Variants in PIKFYVE observed in about 807,000 individuals in gnomAD.
The protein encoded by PIKFYVE is phosphoinositide kinase, FYVE-type zinc finger containing, also known as 1-phosphatidylinositol 3-phosphate 5-kinase.
PIKFYVE carries 122 observed loss-of-function variants against 257.9 expected under a neutral mutation model. The observed-to-expected ratio is 0.47, with a 90% CI of 0.41 to 0.55. The LOEUF (loss-of-function observed/expected upper bound fraction) is 0.55, where lower values mean the gene tolerates loss of function less well. Ranked by LOEUF, PIKFYVE falls within the 20% of genes least tolerant of loss-of-function variation. The pLI is 0.00. For synonymous variants in PIKFYVE, 892 were observed against 868.9 expected (o/e 1.03, Z -0.47); for missense variants, 2,160 against 2,536.6 (o/e 0.85, Z 3.19).
chr2:208,346,242 C>A, intron 34 of PIKFYVE, 95 bp downstream of exon 34: 1 of 953,200 alleles, frequency 1.0e-6, no homozygotes. Context: ...TACTATCTGG[C>A]AATGATTTAC....
At chr2:208,332,119 A>G (rs1350289138) in intron 23 of PIKFYVE, among the ~76,000 whole-genome samples, 1 of 152,210 alleles carries the variant, frequency 6.6e-6, no homozygotes, top group East Asian at 1.9e-4. Flanking sequence ...AAATATATAT[A>G]ATATCAAATT....
intron 3 of PIKFYVE, chr2:208,274,073 A>G (rs1689779681): frequency 6.2e-7 from 1 of 1,608,844 alleles, no homozygotes; most frequent in South Asian, 1.1e-5. Context: ...CACTTTGTGA[A>G]TGAATTCTGC....
chr2:208,333,102 C>T lies in PIKFYVE; in HGVS notation c.3964-213C>T, dbSNP rs547814369. Among the ~76,000 whole-genome samples, 106 of 151,934 alleles carry T rather than the reference C, an allele frequency of 7.0e-4. 1 individual carries two copies. Among genetic ancestry groups the T allele is most frequent in the Middle Eastern group, 3.4e-3 (1 of 294 alleles). The stretch of plus-strand genomic sequence containing the variant: ...ACAAAAAATTAGCCGGGCGTGGTGG[C>T]GCGTGCCTGTAGTCCCAGCTACTCA... On this transcript the variant is annotated intron_variant, in intron 23 of 41. Coordinates refer to ENST00000264380, the MANE Select transcript of PIKFYVE (RefSeq NM_015040.4).
At chr2:208,292,105 T>C (rs1160357760) in intron 7 of PIKFYVE, among the ~76,000 whole-genome samples, 1 of 152,172 alleles carries the variant, frequency 6.6e-6, no homozygotes, top group African/African-American at 2.4e-5. Flanking sequence ...TTTGGGATTT[T>C]GTAGCTGTCT....
intron 18 of PIKFYVE, 129 bp from the exon 19 acceptor site, chr2:208,324,779 TTCA>T (rs1205482756): frequency 9.0e-7 from 1 of 1,116,906 alleles, no homozygotes; most frequent in Non-Finnish European, 1.3e-6. Context: ...AATAAAAAAA[TTCA>T]TCATATATTT....
chr2:208,302,529 C>A, intron 10 of PIKFYVE, 176 bp downstream of exon 10: 1 of 611,070 alleles, frequency 1.6e-6, no homozygotes, highest in Non-Finnish European at 2.9e-6. Flanking sequence ...GAAAAAGCTG[C>A]CATTAGAATC....
In PIKFYVE at chr2:208,324,934, A is replaced by G; in HGVS notation, c.2355A>G (p.Arg785=). ...AGCAAGTTTTGGAACGAATCAGTCG[A>G]ATGACCCAAGGTGATTTAGTGATGT... ...VKSQVLERIS[R]MTQGDLVMSM... The change falls in exon 19 of 42, where the codon CGA becomes CGG. Residue 785 remains arginine, a synonymous_variant. Coordinates refer to ENST00000264380, the MANE Select transcript of PIKFYVE (RefSeq NM_015040.4). 5 of 1,614,096 alleles carry G rather than the reference A, an allele frequency of 3.1e-6. No homozygotes were observed. Among genetic ancestry groups the G allele is most frequent in the Non-Finnish European group, 4.2e-6 (5 of 1,179,962 alleles).
Position 208,304,209 on chromosome 2 carries a change from C to A in PIKFYVE, c.1359C>A (p.Asp453Glu). The A allele has an allele frequency of 6.2e-7, 1 of 1,614,130 alleles. No homozygotes were observed. Among genetic ancestry groups the A allele is most frequent in the Non-Finnish European group, 8.5e-7 (1 of 1,180,002 alleles). The change falls in exon 11 of 42, where the codon GAC (aspartate) becomes GAA (glutamate). Residue 453 changes from aspartate to glutamate, a missense_variant. By Grantham distance (45) the Asp-to-Glu change is conservative (BLOSUM62 2). Around this residue, in one of 12 missense-constraint regions of PIKFYVE, gnomAD observed 90 missense variants for 110.6 expected, o/e 0.81. Transcript: ENST00000264380. ...EFSETPSPDSDSVNSVEGHSE... is the reference protein window; with the variant it reads ...EFSETPSPDSESVNSVEGHSE... ...CTGAGACGCCTTCTCCCGACAGTGA[C>A]TCAGTGAACTCCGTGGAAGGACACT...
At position 208,304,857 on chromosome 2, in the gene PIKFYVE, C is replaced by T. The variant is rs1432663344; in HGVS notation, c.1480C>T (p.Pro494Ser). 4 of 1,613,996 alleles carry T rather than the reference C, an allele frequency of 2.5e-6. No homozygotes were observed. The highest frequency in any genetic ancestry group is 2.5e-6 in the Non-Finnish European group (3 of 1,179,998). The part of the protein sequence containing the change: ...GDDNLANSAS[P>S]SKRTSVSSFQ... ...CCCAACACTAAAAGATTCTGCCAGTCCTAGCAAGCGCACATCAGTCAGCAG... is the reference window on the plus strand; with the variant it reads ...CCCAACACTAAAAGATTCTGCCAGTTCTAGCAAGCGCACATCAGTCAGCAG... Residue 494 changes from proline (P) to serine (S), a missense_variant, in exon 12 of 42, where the codon CCT becomes TCT. Transcript: ENST00000264380.
At chr2:208,345,444 T>C (rs1287592076) in intron 33 of PIKFYVE, among the ~76,000 whole-genome samples, 2 of 152,094 alleles carry the variant, frequency 1.3e-5, no homozygotes, top group African/African-American at 2.4e-5. Flanking sequence ...TTTAAGGACA[T>C]TTTTGAAAAA....
chr2:208,307,131 G>A (rs1479737829), intron 12 of PIKFYVE, among the ~76,000 whole-genome samples: 4 of 152,136 alleles, frequency 2.6e-5, no homozygotes, highest in African/African-American at 7.2e-5. Context: ...AACTTTCGTA[G>A]GAGAATGAAT....
chr2:208,287,687 G>A (rs10198535), intron 6 of PIKFYVE, among the ~76,000 whole-genome samples: 23,496 of 151,876 alleles, frequency 0.15, 2,051 homozygotes, highest in African/African-American at 0.22. Context: ...TGCAACCTCC[G>A]CCTCCCAGGT....
chr2:208,305,895 C>T (rs971266926), intron 12 of PIKFYVE, among the ~76,000 whole-genome samples: 1 of 151,940 alleles, frequency 6.6e-6, no homozygotes, highest in Non-Finnish European at 1.5e-5. Flanking sequence ...ATGATTTTAC[C>T]TGGAGTTTGT....
At chr2:208,284,417 T>C (rs1691268152) in intron 5 of PIKFYVE, among the ~76,000 whole-genome samples, 1 of 152,052 alleles carries the variant, frequency 6.6e-6, no homozygotes, top group South Asian at 2.1e-4. Flanking sequence ...CCCGCCGCCA[T>C]GCCTGGCTAA....
At chr2:208,282,330 T>C (rs972578657) in intron 5 of PIKFYVE, among the ~76,000 whole-genome samples, 1 of 152,238 alleles carries the variant, frequency 6.6e-6, no homozygotes, top group Non-Finnish European at 1.5e-5. Context: ...CTTAAGATTC[T>C]GTTGCTCTAA....
chr2:208,354,724 T>G (rs904243672), intron 41 of PIKFYVE, 79 bp downstream of exon 41: 1 of 1,126,030 alleles, frequency 8.9e-7, no homozygotes, highest in African/African-American at 1.6e-5. Flanking sequence ...ACTGATTCTT[T>G]TTTTTAGTTG....
At chr2:208,339,026 C>A (rs574775983) in intron 29 of PIKFYVE, among the ~76,000 whole-genome samples, 2 of 152,156 alleles carry the variant, frequency 1.3e-5, no homozygotes, top group Non-Finnish European at 2.9e-5. Flanking sequence ...GCTCAACTTA[C>A]AATTCTTGGC....
intron 1 of PIKFYVE, among the ~76,000 whole-genome samples, chr2:208,268,811 G>A (rs982533592): frequency 3.4e-5 from 5 of 148,292 alleles, no homozygotes; most frequent in East Asian, 2.0e-4. Flanking sequence ...CAATAAACAT[G>A]TATTGCCAAA....
chr2:208,341,566 T>C (rs1391860456), intron 31 of PIKFYVE, among the ~76,000 whole-genome samples: 2 of 152,162 alleles, frequency 1.3e-5, no homozygotes, highest in African/African-American at 4.8e-5. Flanking sequence ...CTTACAGTCC[T>C]GGAGGCTAGA....
Sources: allele counts gnomAD v4.1 joint callset (sites outside exome capture counted in the v4.1 genomes callset), GRCh38; gene constraint gnomAD v4.1.1; regional missense constraint gnomAD v4.1.1; transcripts MANE v1.5; gene names NCBI Gene and HGNC (gene_info 2026-07-23, HGNC 2026-07-21).